NF2: variants seen among roughly 807,000 people sequenced by gnomAD.
NF2 encodes merlin.
NF2 carries 8 observed loss-of-function variants against 83.7 expected under a neutral mutation model. The observed-to-expected ratio is 0.10, with a 90% CI of 0.06 to 0.17. NF2 has a LOEUF of 0.17. NF2 is among the 10% of genes least tolerant of loss of function. The pLI, the probability that NF2 is intolerant of heterozygous loss-of-function variation, is 1.00. For missense variants in NF2, 533 were observed against 744.4 expected (o/e 0.72, Z 3.31); for synonymous variants, 266 against 269.6 (o/e 0.99, Z 0.13).
intron 11 of NF2, among the ~76,000 whole-genome samples, chr22:29,672,646 A>C (rs1407543933): frequency 2.4e-5 from 3 of 123,146 alleles, no homozygotes; most frequent in African/African-American, 3.2e-5. Flanking sequence ...ATGGAGTTTC[A>C]CTCTTGTTGC....
chr22:29,627,718 TA>T (rs1336516378), intron 1 of NF2, among the ~76,000 whole-genome samples: 1 of 152,132 alleles, frequency 6.6e-6, no homozygotes, highest in Non-Finnish European at 1.5e-5. Context: ...TTTTTTCCCC[TA>T]AAAAACTGTA....
chr22:29,637,872 C>G (rs2065690850), intron 2 of NF2, among the ~76,000 whole-genome samples: 1 of 152,106 alleles, frequency 6.6e-6, no homozygotes, highest in South Asian at 2.1e-4. Context: ...TGTCGTAGAC[C>G]AGATTTTGAA....
rs2147007431 is a variant in NF2 at position 29,661,199 on chromosome 22, C to A, written c.676-6C>A. ...CTTACAGTAGCTGTTCTTATTGGAT[C>A]CACAGAATAAAAAGGGCACAGAGCT... On this transcript the variant is annotated splice_region_variant and splice_polypyrimidine_tract_variant and intron_variant, in intron 7 of 15. Transcript: ENST00000338641. The A allele has an allele frequency of 6.2e-7, 1 of 1,614,216 alleles. No homozygotes were observed. Among genetic ancestry groups the A allele is most frequent in the Non-Finnish European group, 8.5e-7 (1 of 1,180,042 alleles).
chr22:29,638,684 T>C (rs2065715871), intron 2 of NF2, among the ~76,000 whole-genome samples: 1 of 152,118 alleles, frequency 6.6e-6, no homozygotes, highest in African/African-American at 2.4e-5. Context: ...GACCTAAATA[T>C]TGGCAGTAGG....
rs180790168 is a variant in NF2 at position 29,664,973 on chromosome 22, C to G, written c.811-17C>G. The stretch of plus-strand genomic sequence containing the variant: ...CAGGCTGTCGGACTGAAACTGTGTT[C>G]TGCTTCATTCTTCCAGTTTACTATT... On this transcript the variant is annotated splice_polypyrimidine_tract_variant and intron_variant, in intron 8 of 15. Transcript: ENST00000338641. The G allele has an allele frequency of 1.2e-4, 196 of 1,588,142 alleles. No homozygotes were observed. In the African/African-American group the frequency reaches 2.2e-3, roughly 18 times the overall value.
intron 8 of NF2, among the ~76,000 whole-genome samples, 154 bp downstream of exon 8, chr22:29,661,493 A>G (rs1340645206): frequency 6.6e-6 from 1 of 152,164 alleles, no homozygotes; most frequent in Non-Finnish European, 1.5e-5. Flanking sequence ...CGAAGTCTTT[A>G]CAGAACAGTA....
At chr22:29,685,261 C>A (rs2527339) in intron 15 of NF2, among the ~76,000 whole-genome samples, 14,155 of 151,524 alleles carry the variant, frequency 0.093, 1,012 homozygotes, top group East Asian at 0.37. Context: ...GTACTAGCCA[C>A]CACACTCAAC....
chr22:29,652,558 T>C (rs2066179624), intron 4 of NF2, among the ~76,000 whole-genome samples: 1 of 152,114 alleles, frequency 6.6e-6, no homozygotes. Context: ...CGCCTAGGCC[T>C]CCCAAAAGTG....
chr22:29,667,102 G>C (rs554676518), intron 9 of NF2, among the ~76,000 whole-genome samples: 6 of 152,276 alleles, frequency 3.9e-5, no homozygotes, highest in Admixed American at 1.3e-4. Flanking sequence ...TTCTAAAGAA[G>C]GTGAATCGAT....
chr22:29,605,222 A>G (rs889612167), intron 1 of NF2, among the ~76,000 whole-genome samples: 5 of 148,600 alleles, frequency 3.4e-5, no homozygotes, highest in Admixed American at 2.7e-4. Flanking sequence ...CTAGAGTGCA[A>G]TGGCGCGATC....
chr22:29,696,647 T>A lies in NF2; in HGVS notation c.*1845T>A. 1 of 217,058 alleles carries A rather than the reference T, an allele frequency of 4.6e-6. No homozygotes were observed. Among genetic ancestry groups the A allele is most frequent in the Non-Finnish European group, 9.3e-6 (1 of 107,770 alleles). The allele number at this position is 217,058 out of a possible 1,614,324, so 13.4% of individuals were successfully genotyped here. A position where few individuals can be genotyped will look rare whatever the true frequency, so the allele number is the denominator to read the frequency against. On this transcript the variant is annotated 3_prime_UTR_variant, in exon 16 of 16. Transcript: ENST00000338641. ...TTGCCCCAAGGAAACCAGCCCTGGG[T>A]GCCACCCAGCCACTTAGGGTCTACA...
chr22:29,655,712 TG>T, intron 6 of NF2, 36 bp downstream of exon 6: 1 of 1,487,846 alleles, frequency 6.7e-7, no homozygotes, highest in Non-Finnish European at 9.3e-7. Context: ...CATTCCTTTA[TG>T]GGCTTTTTTT....
chr22:29,649,406 CCT>C (rs539249033), intron 4 of NF2, among the ~76,000 whole-genome samples: 3 of 152,302 alleles, frequency 2.0e-5, no homozygotes, highest in African/African-American at 7.2e-5. Flanking sequence ...ATGGCAAAAC[CCT>C]GTCTCTACTT....
rs994823423 is a variant in NF2, at chr22:29,678,270, C to T, written c.1521C>T (p.Phe507=). ...ACCTCATTGGTGACAGCCTGTCTTT[C>T]GACTTCAAAGATACTGACATGAAGC... The part of the protein sequence containing the change: ...SFNLIGDSLS[F]DFKDTDMKRL... The change falls in exon 14 of 16, where the codon TTC becomes TTT. Residue 507 remains phenylalanine (F), a synonymous_variant. Coordinates refer to ENST00000338641, the MANE Select transcript of NF2 (RefSeq NM_000268.4). 11 of 1,614,088 alleles carry T rather than the reference C, an allele frequency of 6.8e-6. No homozygotes were observed. The highest frequency in any genetic ancestry group is 1.7e-5 in the Admixed American group (1 of 60,008).
intron 1 of NF2, among the ~76,000 whole-genome samples, chr22:29,628,006 G>T (rs1447790430): frequency 6.6e-6 from 1 of 152,130 alleles, no homozygotes; most frequent in Non-Finnish European, 1.5e-5. Flanking sequence ...TCATTAATTG[G>T]AAGACTGTTC....
chr22:29,644,790 G>A (rs543401330), intron 4 of NF2, among the ~76,000 whole-genome samples: 60 of 152,208 alleles, frequency 3.9e-4, no homozygotes, highest in Non-Finnish European at 6.5e-4. Flanking sequence ...GCGTGGTGGC[G>A]CGCGCCTGCA....
At chr22:29,646,946 G>A (rs538000993) in intron 4 of NF2, among the ~76,000 whole-genome samples, 1 of 151,572 alleles carries the variant, frequency 6.6e-6, no homozygotes, top group East Asian at 2.0e-4. Flanking sequence ...TGAGACAGGA[G>A]GATTGCTTGA....
In NF2 at chr22:29,697,501, G is replaced by A. The variant is rs1479069383; in HGVS notation, c.*2699G>A. 5.4e-6 allele frequency: 1 copy of A among 183,904 alleles called. No individual in the cohort carries two copies. The highest frequency in any genetic ancestry group is 8.7e-5 in the East Asian group (1 of 11,510). The allele number at this position is 183,904 out of a possible 1,614,324, so 11.4% of individuals were successfully genotyped here. Reference sequence around the variant, plus strand: ...AGGAGCATCTCAAGCCCCAGTAGCAGGAGAAAGAAAGAAAGAGATGCCTGG... The same window carrying A: ...AGGAGCATCTCAAGCCCCAGTAGCAAGAGAAAGAAAGAAAGAGATGCCTGG... On this transcript the variant is annotated 3_prime_UTR_variant, in exon 16 of 16. Transcript: ENST00000338641.
chr22:29,657,396 C>A (rs1472646195), intron 6 of NF2, among the ~76,000 whole-genome samples: 1 of 152,064 alleles, frequency 6.6e-6, no homozygotes, highest in Non-Finnish European at 1.5e-5. Flanking sequence ...GTTGGGTTGT[C>A]CCCTGAGTTT....
Sources: allele counts gnomAD v4.1 joint callset (sites outside exome capture counted in the v4.1 genomes callset), GRCh38; gene constraint gnomAD v4.1.1; transcripts MANE v1.5; gene names NCBI Gene and HGNC (gene_info 2026-07-23, HGNC 2026-07-21).